Variants in XIRP2 observed in about 807,000 individuals in gnomAD.
XIRP2 encodes the protein xin actin binding repeat containing 2.
A neutral mutation model predicts 277.0 loss-of-function variants in XIRP2; 236 were observed. That is an observed-to-expected ratio of 0.85 (90% CI 0.77 to 0.95). The LOEUF is 0.95. Ranked by LOEUF, XIRP2 falls within the 40% of genes least tolerant of loss-of-function variation. The pLI is 0.00. For synonymous variants in XIRP2, 1,490 were observed against 1,416.5 expected, an observed-to-expected ratio of 1.05 and a Z score of -1.17; for missense variants, 4,640 against 4,157.5, an observed-to-expected ratio of 1.12 and a Z score of -3.19.
chr2:167,042,510 A>G (rs943749498), intron 2 of XIRP2, among the ~76,000 whole-genome samples: 1 of 152,080 alleles, frequency 6.6e-6, no homozygotes, highest in Non-Finnish European at 1.5e-5. Context: ...TCAAGAAAAT[A>G]GAAAATGAAA....
chr2:167,071,758 G>C (rs924782126), intron 2 of XIRP2, among the ~76,000 whole-genome samples: 3 of 152,224 alleles, frequency 2.0e-5, no homozygotes, highest in Non-Finnish European at 4.4e-5. Context: ...GAAGCTGGCA[G>C]ACCTTCTGTG....
intron 2 of XIRP2, among the ~76,000 whole-genome samples, chr2:166,952,917 T>A (rs1237560399): frequency 1.3e-5 from 2 of 152,030 alleles, no homozygotes; most frequent in African/African-American, 4.8e-5. Context: ...ACTCTTTCAA[T>A]TATATGGTGC....
chr2:167,233,504 G>A (rs1179561488), intron 5 of XIRP2, among the ~76,000 whole-genome samples: 4 of 151,650 alleles, frequency 2.6e-5, no homozygotes, highest in Admixed American at 6.6e-5. Context: ...GACTTAAATG[G>A]GCCTGAAGTT....
chr2:167,147,650 A>G (rs73017938), intron 3 of XIRP2, among the ~76,000 whole-genome samples: 15,435 of 152,226 alleles, frequency 0.1, 852 homozygotes, highest in South Asian at 0.15. Flanking sequence ...ATTAAAGTAG[A>G]ACCGTTTATA....
intron 3 of XIRP2, among the ~76,000 whole-genome samples, chr2:167,186,808 T>TG (rs1449052039): frequency 7.3e-5 from 11 of 150,392 alleles, no homozygotes; most frequent in Admixed American, 2.7e-4. Flanking sequence ...CTTCCTTGTT[T>TG]TTTTTTTTTT....
chr2:167,099,627 C>T (rs1690433458), intron 2 of XIRP2, among the ~76,000 whole-genome samples: 1 of 152,058 alleles, frequency 6.6e-6, no homozygotes, highest in African/African-American at 2.4e-5. Flanking sequence ...AACCCAGGGC[C>T]CTTGTGGTGT....
At chr2:167,217,450 T>C (rs1694289668) in intron 4 of XIRP2, among the ~76,000 whole-genome samples, 1 of 152,066 alleles carries the variant, frequency 6.6e-6, no homozygotes, top group Non-Finnish European at 1.5e-5. Flanking sequence ...TTCTGCCTGT[T>C]CTTTGAGGAC....
rs547548805 is a variant in XIRP2 at position 166,906,050 on chromosome 2, A to G, written c.408+2160A>G. Among the ~76,000 whole-genome samples, 14 of 152,180 alleles carry G rather than the reference A, an allele frequency of 9.2e-5. No individual in the cohort carries two copies. The South Asian group carries it at 2.1e-3, about 23-fold the overall frequency. ...TCATCTAAAAAATTCTGGCTACTCT[A>G]TAACTCTGACATTTATGTTTTTTGA... On this transcript the variant is annotated intron_variant, in intron 2 of 10. Transcript: ENST00000409195.
At chr2:167,257,284 C>A (rs1300756911) in intron 10 of XIRP2, among the ~76,000 whole-genome samples, 1 of 151,832 alleles carries the variant, frequency 6.6e-6, no homozygotes, top group African/African-American at 2.4e-5. Context: ...AAATGTTCCC[C>A]ATGGGTTTTA....
chr2:166,904,236 G>C (rs1306816595), intron 2 of XIRP2, among the ~76,000 whole-genome samples: 1 of 152,070 alleles, frequency 6.6e-6, no homozygotes, highest in East Asian at 1.9e-4. Flanking sequence ...TTTAACAAAT[G>C]GTGTTGCTTT....
intron 5 of XIRP2, among the ~76,000 whole-genome samples, chr2:167,233,990 C>A (rs546332081): frequency 6.6e-6 from 1 of 151,392 alleles, no homozygotes; most frequent in South Asian, 2.1e-4. Flanking sequence ...ATATGTTTGA[C>A]GACTCAGTTG....
rs754866808 is a variant in XIRP2, at chr2:167,246,759, A to G, written c.5367A>G (p.Lys1789=). The change falls in exon 9 of 11, where the codon AAA becomes AAG. Residue 1789 remains lysine (K), a synonymous_variant. Coordinates refer to ENST00000409195, the MANE Select transcript of XIRP2 (RefSeq NM_152381.6). ...EIIGGDVEGT[K]LLLKKRQSLV... is the part of the protein sequence containing the mutation. Reference sequence around the variant, plus strand: ...TTGGTGGTGATGTTGAAGGTACAAAACTGTTACTGAAGAAAAGGCAGTCTC... The same window carrying G: ...TTGGTGGTGATGTTGAAGGTACAAAGCTGTTACTGAAGAAAAGGCAGTCTC... The G allele has an allele frequency of 6.2e-7, 1 of 1,613,886 alleles. No homozygotes were observed. The highest frequency in any genetic ancestry group is 1.7e-5 in the Admixed American group (1 of 59,994).
intron 3 of XIRP2, among the ~76,000 whole-genome samples, chr2:167,182,408 A>G (rs1380008009): frequency 6.6e-6 from 1 of 152,208 alleles, no homozygotes; most frequent in Non-Finnish European, 1.5e-5. Context: ...ACCTCCCCTG[A>G]TAGTTCGCTT....
chr2:167,151,341 G>T (rs571607726), intron 3 of XIRP2, among the ~76,000 whole-genome samples: 44 of 152,140 alleles, frequency 2.9e-4, no homozygotes, highest in African/African-American at 1.1e-3. Flanking sequence ...AATAGAATAA[G>T]AAATAATAGG....
At chr2:166,914,446 T>A (rs1351588418) in intron 2 of XIRP2, among the ~76,000 whole-genome samples, 1 of 152,164 alleles carries the variant, frequency 6.6e-6, no homozygotes, top group Non-Finnish European at 1.5e-5. Flanking sequence ...GTTTACGCCA[T>A]TCTCCTGTCT....
At chr2:167,192,733 G>A (rs1693385048) in intron 3 of XIRP2, among the ~76,000 whole-genome samples, 1 of 152,144 alleles carries the variant, frequency 6.6e-6, no homozygotes, top group Non-Finnish European at 1.5e-5. Context: ...GCATAGGGTA[G>A]AAGTCAGCTA....
At chr2:167,091,823 A>T (rs1029860644) in intron 2 of XIRP2, among the ~76,000 whole-genome samples, 2 of 152,124 alleles carry the variant, frequency 1.3e-5, no homozygotes, top group Admixed American at 1.3e-4. Flanking sequence ...CCAATCAGGG[A>T]TTGAGATCAT....
rs553753764 is a variant in XIRP2 at position 166,985,873 on chromosome 2, A to G, written c.408+81983A>G. On this transcript the variant is annotated intron_variant, in intron 2 of 10. Transcript: ENST00000409195. ...CCAAAGAGGGAAGTATCATATTCCT[A>G]AAATCAGGTGATCTCCTCATCTGGG... Among the ~76,000 whole-genome samples, 3 of 152,240 alleles carry G rather than the reference A, an allele frequency of 2.0e-5. No homozygotes were observed. The East Asian group carries it at 5.8e-4, about 29-fold the overall frequency.
chr2:167,002,159 T>G (rs2105456980), intron 2 of XIRP2, among the ~76,000 whole-genome samples: 1 of 152,220 alleles, frequency 6.6e-6, no homozygotes, highest in Admixed American at 6.6e-5. Flanking sequence ...TATAATTGTA[T>G]AACTATACAA....
Sources: gnomAD v4.1 joint callset for allele counts (sites outside exome capture counted in the v4.1 genomes callset) on GRCh38, gnomAD v4.1.1 for gene constraint, MANE v1.5 for transcripts, NCBI Gene and HGNC (gene_info 2026-07-23, HGNC 2026-07-21) for gene names.